TTC4: variants seen among roughly 807,000 people sequenced by gnomAD.
TTC4 encodes the protein hsp70/Hsp90 co-chaperone CNS1 homolog.
A neutral mutation model predicts 51.9 loss-of-function variants in TTC4; 36 were observed. The observed-to-expected ratio is 0.69, with a 90% CI of 0.53 to 0.92. TTC4 has a LOEUF of 0.92. Ranked by LOEUF, TTC4 falls within the 40% of genes least tolerant of loss-of-function variation. The pLI, the probability that TTC4 is intolerant of heterozygous loss-of-function variation, is 0.00. For synonymous variants in TTC4, 144 were observed against 164.2 expected, an observed-to-expected ratio of 0.88 and a Z score of 0.94; for missense variants, 399 against 454.6, an observed-to-expected ratio of 0.88 and a Z score of 1.11.
At chr1:54,738,661 CTT>C (rs567268643) in intron 9 of TTC4, among the ~76,000 whole-genome samples, 2 of 138,784 alleles carry the variant, frequency 1.4e-5, no homozygotes. Context: ...CTAGGATGGC[CTT>C]TTTTTTTTTT....
chr1:54,733,831 CAT>C, intron 8 of TTC4, 121 bp downstream of exon 8: 3 of 613,042 alleles, frequency 4.9e-6, no homozygotes, highest in Non-Finnish European at 7.9e-6. Flanking sequence ...ATATACATGA[CAT>C]AATATTTACC....
At chr1:54,728,568 C>A in intron 6 of TTC4, 136 bp downstream of exon 6, 1 of 837,340 alleles carries the variant, frequency 1.2e-6, no homozygotes, top group African/African-American at 1.7e-5. Context: ...AGCAGTGTGA[C>A]AGAGGAGACC....
At chr1:54,727,252 A>G (rs925181606) in intron 5 of TTC4, among the ~76,000 whole-genome samples, 2 of 152,160 alleles carry the variant, frequency 1.3e-5, no homozygotes, top group African/African-American at 4.8e-5. Context: ...AGACCATTCA[A>G]TAGGGAGGTA....
intron 3 of TTC4, among the ~76,000 whole-genome samples, chr1:54,718,528 T>G (rs145183653): frequency 6.6e-6 from 1 of 152,182 alleles, no homozygotes; most frequent in African/African-American, 2.4e-5. Context: ...ATTACAGGTG[T>G]GAGCCACCGC....
Position 54,741,901 on chromosome 1 carries a change from C to CG in TTC4, c.*388_*389insG. On this transcript the variant is annotated 3_prime_UTR_variant, in exon 10 of 10. Transcript: ENST00000371281. ...CTTAGAGAAGCTACCCCTCAAACTGCACATCTACACACAAACAAACAATGC... is the reference window on the plus strand; with the variant it reads ...CTTAGAGAAGCTACCCCTCAAACTGCGACATCTACACACAAACAAACAATGC... The CG allele has an allele frequency of 2.7e-5, 5 of 186,322 alleles. No individual in the cohort carries two copies. Among genetic ancestry groups the CG allele is most frequent in the South Asian group, 1.3e-4 (1 of 7,598 alleles). 11.5% of individuals were successfully genotyped at this position (186,322 alleles called of 1,614,324 possible).
At chr1:54,723,158 G>A (rs2101312693) in intron 5 of TTC4, among the ~76,000 whole-genome samples, 1 of 152,292 alleles carries the variant, frequency 6.6e-6, no homozygotes, top group African/African-American at 2.4e-5. Flanking sequence ...TTGTGTTACA[G>A]TTGCCTACAG....
At chr1:54,732,459 ATTT>A (rs553266972) in intron 7 of TTC4, among the ~76,000 whole-genome samples, 3 of 139,844 alleles carry the variant, frequency 2.1e-5, no homozygotes. Flanking sequence ...TTTTTTTGTA[ATTT>A]TTTTTTTTTT....
At chr1:54,716,515 TA>T in intron 1 of TTC4, 84 bp from the exon 2 acceptor site, 2 of 1,039,130 alleles carry the variant, frequency 1.9e-6, no homozygotes, top group Non-Finnish European at 2.8e-6. Context: ...TCATGATGAG[TA>T]AAAAAACTTT....
At chr1:54,726,763 G>A (rs1424277286) in intron 5 of TTC4, among the ~76,000 whole-genome samples, 4 of 152,156 alleles carry the variant, frequency 2.6e-5, no homozygotes, top group Non-Finnish European at 4.4e-5. Context: ...CAAAATTAGT[G>A]TATCAATTCA....
rs1261239150 is a variant in TTC4, at chr1:54,742,140, CTG to C, written c.*630_*631del. 6.7e-6 allele frequency: 1 copy of C among 148,242 alleles called. No individual in the cohort carries two copies. Among genetic ancestry groups the C allele is most frequent in the African/African-American group, 2.6e-5 (1 of 38,140 alleles). The allele number at this position is 148,242 out of a possible 1,614,324, so 9.2% of individuals were successfully genotyped here. A position where few individuals can be genotyped will look rare whatever the true frequency, so the allele number is the denominator to read the frequency against. ...TTCTTCATCTTTGCCATATGGAGGA[CTG>C]TGACAGACTTTGGACAGTGGCCTCT... On this transcript the variant is annotated 3_prime_UTR_variant, in exon 10 of 10. Coordinates refer to ENST00000371281, the MANE Select transcript of TTC4 (RefSeq NM_004623.5).
chr1:54,722,234 A>C (rs188722483), intron 4 of TTC4, among the ~76,000 whole-genome samples: 1 of 152,184 alleles, frequency 6.6e-6, no homozygotes, highest in Non-Finnish European at 1.5e-5. Context: ...TGCCTTGATG[A>C]ATAGCTGAAG....
At position 54,727,156 on chromosome 1, in the gene TTC4, T is replaced by C. The variant is rs140088559; in HGVS notation, c.595-1190T>C. Among the ~76,000 whole-genome samples the C allele has an allele frequency of 3.8e-4, 57 of 151,600 alleles. 1 individual carries two copies. In the Middle Eastern group the frequency reaches 0.02, roughly 54 times the overall value. On this transcript the variant is annotated intron_variant, in intron 5 of 9. Transcript: ENST00000371281. ...AGGCATTGTGGTACTGGCATAACAA[T>C]AGACATATAGGTCAATGTAATAAAA...
intron 4 of TTC4, among the ~76,000 whole-genome samples, chr1:54,721,517 T>C (rs1557743227): frequency 6.6e-6 from 1 of 152,192 alleles, no homozygotes; most frequent in African/African-American, 2.4e-5. Context: ...TTTTTCCAAA[T>C]TAGCTGATTG....
intron 2 of TTC4, 24 bp from the exon 3 acceptor site, chr1:54,717,468 G>C (rs779989954): frequency 3.4e-6 from 5 of 1,479,990 alleles, no homozygotes; most frequent in Non-Finnish European, 4.5e-6. Flanking sequence ...AAGCAATAGT[G>C]ATTATTTTTC....
chr1:54,730,869 G>A (rs1645857560), intron 6 of TTC4, among the ~76,000 whole-genome samples: 2 of 150,522 alleles, frequency 1.3e-5, no homozygotes, highest in Middle Eastern at 6.8e-3. Context: ...TCCCTTCTAA[G>A]TGCCCCTCCC....
At chr1:54,725,175 T>A (rs1223266285) in intron 5 of TTC4, among the ~76,000 whole-genome samples, 1 of 152,194 alleles carries the variant, frequency 6.6e-6, no homozygotes, top group Non-Finnish European at 1.5e-5. Context: ...CTCACAGGGC[T>A]ATTTTTATAT....
intron 5 of TTC4, among the ~76,000 whole-genome samples, chr1:54,726,449 G>A (rs1645800599): frequency 6.6e-6 from 1 of 152,026 alleles, no homozygotes; most frequent in African/African-American, 2.4e-5. Flanking sequence ...AAATCCTAAG[G>A]GATCCACTAA....
At chr1:54,736,065 T>A (rs2101358437) in intron 8 of TTC4, among the ~76,000 whole-genome samples, 1 of 152,034 alleles carries the variant, frequency 6.6e-6, no homozygotes, top group African/African-American at 2.4e-5. Context: ...CTCTGTGCAA[T>A]AAGTGTATAA....
chr1:54,729,285 A>G (rs1016431216), intron 6 of TTC4, among the ~76,000 whole-genome samples: 2 of 152,236 alleles, frequency 1.3e-5, no homozygotes, highest in Admixed American at 1.3e-4. Context: ...TTTTCAGACC[A>G]TGGTTGACCA....
Sources: allele counts gnomAD v4.1 joint callset (sites outside exome capture counted in the v4.1 genomes callset), GRCh38; gene constraint gnomAD v4.1.1; transcripts MANE v1.5; gene names NCBI Gene and HGNC (gene_info 2026-07-23, HGNC 2026-07-21).